TNRC6A: variants seen among roughly 807,000 people sequenced by gnomAD.
TNRC6A encodes trinucleotide repeat containing adaptor 6A.
In TNRC6A, 44 loss-of-function variants were observed where a neutral mutation model predicts 221.2. The observed-to-expected ratio is 0.20, with a 90% CI of 0.16 to 0.26. The LOEUF is 0.26. Among genes scored for constraint, TNRC6A ranks in the 10% least tolerant of loss-of-function variants. The pLI, the probability that TNRC6A is intolerant of heterozygous loss-of-function variation, is 1.00. For synonymous variants in TNRC6A, 847 were observed against 838.5 expected (o/e 1.01, Z -0.18); for missense variants, 2,199 against 2,404.4 (o/e 0.91, Z 1.79).
intron 2 of TNRC6A, among the ~76,000 whole-genome samples, chr16:24,700,303 T>C (rs948981581): frequency 4.6e-5 from 7 of 152,096 alleles, no homozygotes; most frequent in African/African-American, 1.7e-4. Context: ...TGGTGCGATC[T>C]TGGCTCACTG....
At chr16:24,774,280 A>G (rs2057675567) in intron 4 of TNRC6A, among the ~76,000 whole-genome samples, 1 of 152,176 alleles carries the variant, frequency 6.6e-6, no homozygotes, top group Non-Finnish European at 1.5e-5. Context: ...CTTATTTTGT[A>G]TCTAAGATTG....
intron 11 of TNRC6A, among the ~76,000 whole-genome samples, chr16:24,801,111 A>G (rs958557863): frequency 1.3e-5 from 2 of 152,222 alleles, no homozygotes; most frequent in African/African-American, 4.8e-5. Flanking sequence ...TGGTCCAGTA[A>G]ACAGTCGAAA....
intron 1 of TNRC6A, among the ~76,000 whole-genome samples, chr16:24,615,959 A>C (rs1237574613): frequency 6.6e-6 from 1 of 150,966 alleles, no homozygotes; most frequent in Non-Finnish European, 1.5e-5. Context: ...TCAGGAGGCC[A>C]AGACAGGAGG....
chr16:24,815,402 C>A, intron 19 of TNRC6A, 97 bp downstream of exon 19: 2 of 1,389,020 alleles, frequency 1.4e-6, no homozygotes, highest in Non-Finnish European at 2.0e-6. Context: ...GATCGGCGTG[C>A]TTAGACTGAC....
intron 4 of TNRC6A, among the ~76,000 whole-genome samples, chr16:24,775,653 T>C (rs1455053501): frequency 1.3e-5 from 2 of 152,228 alleles, no homozygotes; most frequent in Non-Finnish European, 2.9e-5. Context: ...CACTTCTGTT[T>C]ACTGAGTGGT....
intron 21 of TNRC6A, among the ~76,000 whole-genome samples, chr16:24,819,098 G>A (rs1018918610): frequency 1.4e-4 from 22 of 152,124 alleles, no homozygotes; most frequent in African/African-American, 5.1e-4. Flanking sequence ...ACACTTGAGA[G>A]TTACAGGAAT....
At chr16:24,710,351 T>C (rs2142300644) in intron 2 of TNRC6A, among the ~76,000 whole-genome samples, 1 of 152,162 alleles carries the variant, frequency 6.6e-6, no homozygotes, top group Non-Finnish European at 1.5e-5. Flanking sequence ...CTCACACCTG[T>C]AGTCCCAGCA....
At chr16:24,631,608 C>A (rs1901342835) in intron 1 of TNRC6A, among the ~76,000 whole-genome samples, 2 of 151,980 alleles carry the variant, frequency 1.3e-5, no homozygotes, top group African/African-American at 4.8e-5. Context: ...TGCATCTCCA[C>A]TAAAAATGCA....
chr16:24,786,147 A>G (rs1458100364), intron 5 of TNRC6A, among the ~76,000 whole-genome samples: 2 of 152,228 alleles, frequency 1.3e-5, no homozygotes, highest in African/African-American at 4.8e-5. Context: ...TTTGTTCTTT[A>G]TAAGGGAGAC....
chr16:24,782,826 C>A (rs529510166), intron 5 of TNRC6A, among the ~76,000 whole-genome samples: 1 of 152,004 alleles, frequency 6.6e-6, no homozygotes. Flanking sequence ...GAGCCGAGAT[C>A]GCGCCACTGC....
At chr16:24,791,959 G>T in intron 6 of TNRC6A, 142 bp downstream of exon 6, 1 of 863,352 alleles carries the variant, frequency 1.2e-6, no homozygotes. Flanking sequence ...TAGGGGTGAT[G>T]TTTACCACCA....
intron 2 of TNRC6A, among the ~76,000 whole-genome samples, chr16:24,684,889 A>G (rs142009972): frequency 1.3e-5 from 2 of 152,314 alleles, no homozygotes; most frequent in Admixed American, 6.5e-5. Context: ...CCCTCTAACA[A>G]TGCACATGAA....
intron 2 of TNRC6A, among the ~76,000 whole-genome samples, chr16:24,696,286 T>G (rs1386827981): frequency 6.8e-6 from 1 of 147,684 alleles, no homozygotes; most frequent in Non-Finnish European, 1.5e-5. Flanking sequence ...AGGCGGAGCT[T>G]GCAGTGAGCC....
At chr16:24,695,490 C>T (rs937265003) in intron 2 of TNRC6A, among the ~76,000 whole-genome samples, 1 of 152,138 alleles carries the variant, frequency 6.6e-6, no homozygotes, top group African/African-American at 2.4e-5. Flanking sequence ...ACCTCCGCCT[C>T]CTGGGTTCAA....
At chr16:24,710,564 T>C (rs963020073) in intron 2 of TNRC6A, among the ~76,000 whole-genome samples, 2 of 152,220 alleles carry the variant, frequency 1.3e-5, no homozygotes, top group Non-Finnish European at 2.9e-5. Context: ...GCTCTTCTTA[T>C]TGCATCCTAC....
intron 2 of TNRC6A, among the ~76,000 whole-genome samples, chr16:24,719,057 A>G (rs1031030413): frequency 2.0e-5 from 3 of 151,526 alleles, no homozygotes; most frequent in South Asian, 2.1e-4. Flanking sequence ...AAAAGAAAAG[A>G]AAAAGGAAAA....
rs979524988 is a variant in TNRC6A, at chr16:24,824,841, A to G, written c.*1034A>G. 6 of 152,298 alleles carry G rather than the reference A, an allele frequency of 3.9e-5. No homozygotes were observed. The highest frequency in any genetic ancestry group is 1.4e-4 in the African/African-American group (6 of 41,410). The allele number at this position is 152,298 out of a possible 1,614,324, so 9.4% of individuals were successfully genotyped here. Reference sequence around the variant, plus strand: ...AAAAACCCCAACTTTTAGCACTGATACTACATATTGCTCTGTTAAAGAATT... The same window carrying G: ...AAAAACCCCAACTTTTAGCACTGATGCTACATATTGCTCTGTTAAAGAATT... On this transcript the variant is annotated 3_prime_UTR_variant, in exon 25 of 25. Transcript: ENST00000395799.
chr16:24,724,752 A>G (rs540471084), upstream of TNRC6A, among the ~76,000 whole-genome samples: 1 of 152,132 alleles, frequency 6.6e-6, no homozygotes, highest in Non-Finnish European at 1.5e-5. Context: ...AAAATAAATA[A>G]TAAATAAATA....
chr16:24,719,791 T>C (rs1209177551), intron 2 of TNRC6A, among the ~76,000 whole-genome samples: 1 of 150,214 alleles, frequency 6.7e-6, no homozygotes, highest in East Asian at 2.0e-4. Context: ...CAGTGAGCTA[T>C]AATTGCACCA....
Sources: gnomAD v4.1 joint callset for allele counts (sites outside exome capture counted in the v4.1 genomes callset) on GRCh38, gnomAD v4.1.1 for gene constraint, MANE v1.5 for transcripts, NCBI Gene and HGNC (gene_info 2026-07-23, HGNC 2026-07-21) for gene names.